Variants in P3H2 observed in about 807,000 individuals in gnomAD.
P3H2 encodes the protein leprecan-like 1.
A neutral mutation model predicts 87.0 loss-of-function variants in P3H2; 80 were observed. The observed-to-expected ratio is 0.92, with a 90% CI of 0.77 to 1.11. The LOEUF is 1.11. Ranked by LOEUF, P3H2 falls within the 50% of genes least tolerant of loss-of-function variation. The pLI, the probability that P3H2 is intolerant of heterozygous loss-of-function variation, is 0.00. For synonymous variants in P3H2, 367 were observed against 359.3 expected (o/e 1.02, Z -0.24); for missense variants, 1,001 against 923.9 (o/e 1.08, Z -1.08).
chr3:190,106,612 C>T (rs1427193283), intron 1 of P3H2, among the ~76,000 whole-genome samples: 1 of 151,786 alleles, frequency 6.6e-6, no homozygotes, highest in Non-Finnish European at 1.5e-5. Context: ...TTTCCCGATA[C>T]AAAATTCTGA....
intron 1 of P3H2, among the ~76,000 whole-genome samples, chr3:190,114,477 T>C (rs1315510374): frequency 2.6e-5 from 4 of 152,124 alleles, no homozygotes; most frequent in African/African-American, 7.2e-5. Flanking sequence ...TGAACCACCA[T>C]GCCCAGCCTC....
At chr3:190,037,042 A>G (rs1243859914) in intron 1 of P3H2, among the ~76,000 whole-genome samples, 2 of 152,152 alleles carry the variant, frequency 1.3e-5, no homozygotes, top group African/African-American at 4.8e-5. Context: ...AGCCCAAACA[A>G]TAGTAATAAT....
intron 1 of P3H2, among the ~76,000 whole-genome samples, chr3:190,061,003 G>A (rs1360950247): frequency 1.3e-5 from 2 of 151,846 alleles, no homozygotes; most frequent in Non-Finnish European, 2.9e-5. Context: ...AGGGCTTCCA[G>A]GCTATTCCAT....
chr3:190,018,434 G>A (rs952810905), intron 1 of P3H2, among the ~76,000 whole-genome samples: 7 of 152,174 alleles, frequency 4.6e-5, no homozygotes, highest in African/African-American at 1.7e-4. Context: ...TAGGCCAGGT[G>A]TAGTGGCTCC....
At chr3:190,020,166 G>T (rs1380275270) in intron 1 of P3H2, among the ~76,000 whole-genome samples, 1 of 132,500 alleles carries the variant, frequency 7.5e-6, no homozygotes, top group Non-Finnish European at 1.7e-5. Flanking sequence ...AAAGGCTAAG[G>T]CGTTCAACAC....
At chr3:190,073,201 A>T (rs1726763343) in intron 1 of P3H2, among the ~76,000 whole-genome samples, 3 of 152,196 alleles carry the variant, frequency 2.0e-5, no homozygotes, top group South Asian at 2.1e-4. Flanking sequence ...TTTCTAATCA[A>T]TGTGCTTTTC....
intron 14 of P3H2, among the ~76,000 whole-genome samples, chr3:189,961,315 T>C (rs1042486405): frequency 1.3e-5 from 2 of 152,136 alleles, no homozygotes; most frequent in African/African-American, 2.4e-5. Flanking sequence ...CAAGAAATGA[T>C]TGTAATCTTG....
At chr3:190,107,943 A>C (rs1245216013) in intron 1 of P3H2, among the ~76,000 whole-genome samples, 1 of 151,732 alleles carries the variant, frequency 6.6e-6, no homozygotes, top group Non-Finnish European at 1.5e-5. Flanking sequence ...CTTTTTTCCT[A>C]AGTATTAAAA....
At chr3:190,026,463 C>T (rs113229823) in intron 1 of P3H2, among the ~76,000 whole-genome samples, 8,467 of 152,202 alleles carry the variant, frequency 0.056, 715 homozygotes, top group African/African-American at 0.18. Context: ...ACCAAGATGG[C>T]GCTGAGAGTC....
At chr3:190,093,412 A>G (rs1001753654) in intron 1 of P3H2, among the ~76,000 whole-genome samples, 2 of 152,210 alleles carry the variant, frequency 1.3e-5, no homozygotes, top group Non-Finnish European at 2.9e-5. Context: ...TCTGGAGAGA[A>G]AGGGAAAGAG....
At chr3:190,083,561 G>T (rs1577315094) in intron 1 of P3H2, among the ~76,000 whole-genome samples, 2 of 152,266 alleles carry the variant, frequency 1.3e-5, no homozygotes, top group East Asian at 1.9e-4. Context: ...GTCATCAAAG[G>T]ATCCACCCTT....
At chr3:190,091,681 G>T (rs1259773368) in intron 1 of P3H2, among the ~76,000 whole-genome samples, 2 of 152,204 alleles carry the variant, frequency 1.3e-5, no homozygotes, top group Non-Finnish European at 2.9e-5. Context: ...GGCAAATGAG[G>T]CTTTTTAAAG....
chr3:190,091,600 G>A (rs1727411687), intron 1 of P3H2, among the ~76,000 whole-genome samples: 1 of 152,222 alleles, frequency 6.6e-6, no homozygotes, highest in African/African-American at 2.4e-5. Flanking sequence ...ATCAATATAA[G>A]TTTCAAAGGA....
intron 1 of P3H2, among the ~76,000 whole-genome samples, chr3:190,026,426 T>C (rs111588126): frequency 0.031 from 4,756 of 152,128 alleles, 219 homozygotes; most frequent in African/African-American, 0.1. Flanking sequence ...CAGCTTGCAG[T>C]AAAAACGCCA....
rs7610379 is a variant in P3H2, at chr3:189,984,500, C to T, written c.1229+50G>A. The T allele has an allele frequency of 2.2e-3, 2,888 of 1,315,244 alleles. 38 individuals carry two copies. The African/African-American group carries it at 0.034, about 15-fold the overall frequency. 81.5% of individuals were successfully genotyped at this position (1,315,244 alleles called of 1,614,324 possible). ...CATTTCTCTATGATAGGTTATGACA[C>T]TAAGTATTTCTCCTCATAAAAAACC... is the stretch of plus-strand genomic sequence containing the variant. On this transcript the variant is annotated intron_variant, in intron 7 of 14. Transcript: ENST00000319332.
Position 189,957,594 on chromosome 3 carries a change from A to C in P3H2, c.*318T>G, listed in dbSNP as rs1032880597. On this transcript the variant is annotated 3_prime_UTR_variant, in exon 15 of 15. Coordinates refer to ENST00000319332, the MANE Select transcript of P3H2 (RefSeq NM_018192.4). The stretch of plus-strand genomic sequence containing the variant: ...GGTCCCAGCTCCCCGGGAGGCTTGA[A>C]GGATCGCCTGAGCCTAAGAGTTTGA... 3 of 422,252 alleles carry C rather than the reference A, an allele frequency of 7.1e-6. No individual in the cohort carries two copies. In the South Asian group the frequency reaches 8.7e-5, roughly 12 times the overall value. 26.2% of individuals were successfully genotyped at this position (422,252 alleles called of 1,614,324 possible). A position where few individuals can be genotyped will look rare whatever the true frequency, so the allele number is the denominator to read the frequency against.
At chr3:190,112,035 T>C (rs777066317) in intron 1 of P3H2, among the ~76,000 whole-genome samples, 1 of 152,216 alleles carries the variant, frequency 6.6e-6, no homozygotes, top group Admixed American at 6.5e-5. Flanking sequence ...ACTGGTATTA[T>C]GGTTGACAAT....
chr3:189,983,046 C>A lies in P3H2; in HGVS notation c.1324G>T (p.Gly442Cys). 6.2e-7 allele frequency: 1 copy of A among 1,611,312 alleles called. No individual in the cohort carries two copies. Among genetic ancestry groups the A allele is most frequent in the Non-Finnish European group, 8.5e-7 (1 of 1,177,490 alleles). Residue 442 changes from glycine (G) to cysteine (C), a missense_variant and splice_region_variant, in exon 8 of 15, where the codon GGT becomes TGT. Coordinates refer to ENST00000319332, the MANE Select transcript of P3H2 (RefSeq NM_018192.4). ...AGGGTAAAAGTGCACAGCTACTTAC[C>A]TTCTCTTAGGTCTCGATCTATCTTG... is the stretch of plus-strand genomic sequence containing the variant. ...SPKIDRDLRE[G>C]GPLLYENITF...
chr3:190,031,331 G>GA (rs1036820231), intron 1 of P3H2, among the ~76,000 whole-genome samples: 3 of 151,442 alleles, frequency 2.0e-5, no homozygotes, highest in African/African-American at 7.3e-5. Flanking sequence ...TATCATGTTA[G>GA]AAAAAATATT....
Sources: allele counts gnomAD v4.1 joint callset (sites outside exome capture counted in the v4.1 genomes callset), GRCh38; gene constraint gnomAD v4.1.1; transcripts MANE v1.5; gene names NCBI Gene and HGNC (gene_info 2026-07-23, HGNC 2026-07-21).